The following SNTG1 variants were observed in gnomAD, a reference collection of about 807,000 sequenced individuals.
SNTG1 encodes gamma-1-syntrophin.
A neutral mutation model predicts 74.7 loss-of-function variants in SNTG1; 39 were observed. The ratio of observed to expected loss-of-function variants is 0.52; its 90% CI spans 0.40 to 0.68. The LOEUF is 0.68. SNTG1 is among the 30% of genes least tolerant of loss of function. The probability of loss-of-function intolerance (pLI) is 0.00; values close to 1 mark genes in which losing one functional copy is unlikely to be tolerated. For missense variants in SNTG1, 685 were observed against 609.5 expected (o/e 1.12, Z -1.30); for synonymous variants, 254 against 217.1 (o/e 1.17, Z -1.49).
intron 1 of SNTG1, among the ~76,000 whole-genome samples, chr8:50,060,542 G>A (rs1773269205): frequency 6.6e-6 from 1 of 151,888 alleles, no homozygotes. Context: ...GATTTATGGG[G>A]ATTTCTTCCC....
At chr8:50,374,449 T>C (rs1011721183) in intron 2 of SNTG1, among the ~76,000 whole-genome samples, 3 of 152,206 alleles carry the variant, frequency 2.0e-5, no homozygotes, top group Non-Finnish European at 4.4e-5. Context: ...CCCTTGCAGG[T>C]TGTAATGCAT....
chr8:50,238,697 AACAGACAACCT>A (rs1407955690), intron 2 of SNTG1, among the ~76,000 whole-genome samples: 1 of 152,186 alleles, frequency 6.6e-6, no homozygotes, highest in African/African-American at 2.4e-5. Flanking sequence ...CAACAGAGTA[AACAGACAACCT>A]ACAGAACGGA....
At chr8:50,773,580 C>T (rs73677516) in intron 18 of SNTG1, among the ~76,000 whole-genome samples, 3,024 of 152,148 alleles carry the variant, frequency 0.02, 97 homozygotes, top group African/African-American at 0.065. Flanking sequence ...AGTCTGTTTC[C>T]TATCAGTGAA....
intron 2 of SNTG1, among the ~76,000 whole-genome samples, chr8:50,337,992 C>T (rs573084551): frequency 1.7e-4 from 26 of 151,966 alleles, no homozygotes; most frequent in Non-Finnish European, 2.6e-4. Context: ...AAAAGTTAGC[C>T]GGGCTTGGTG....
At chr8:50,006,527 G>A (rs750297976) in intron 1 of SNTG1, among the ~76,000 whole-genome samples, 23 of 152,002 alleles carry the variant, frequency 1.5e-4, no homozygotes, top group Admixed American at 7.2e-4. Context: ...TTCAAGGCTG[G>A]GTACTATTTA....
At chr8:49,971,090 C>A (rs1006753625) in intron 1 of SNTG1, among the ~76,000 whole-genome samples, 1 of 152,142 alleles carries the variant, frequency 6.6e-6, no homozygotes, top group Non-Finnish European at 1.5e-5. Flanking sequence ...AGACCAATAT[C>A]CCTGATGAAC....
intron 2 of SNTG1, among the ~76,000 whole-genome samples, chr8:50,265,006 T>C (rs2087392076): frequency 6.6e-6 from 1 of 152,066 alleles, no homozygotes; most frequent in South Asian, 2.1e-4. Flanking sequence ...TCTTCCAAGG[T>C]TAAAAGCTCA....
intron 12 of SNTG1, among the ~76,000 whole-genome samples, chr8:50,576,233 G>A (rs985601198): frequency 3.9e-5 from 6 of 152,068 alleles, no homozygotes; most frequent in Admixed American, 2.0e-4. Context: ...TAGTTAATAC[G>A]ACTGTCTTTT....
chr8:49,994,695 A>ACCCC, intron 1 of SNTG1, among the ~76,000 whole-genome samples: 1 of 150,802 alleles, frequency 6.6e-6, no homozygotes, highest in Non-Finnish European at 1.5e-5. Flanking sequence ...CTTTGACTAT[A>ACCCC]GCTACTCATT....
At chr8:50,719,991 T>A (rs2131587898) in intron 17 of SNTG1, among the ~76,000 whole-genome samples, 1 of 152,324 alleles carries the variant, frequency 6.6e-6, no homozygotes, top group South Asian at 2.1e-4. Flanking sequence ...TAAATTTAGA[T>A]GAAATACATT....
At chr8:50,775,614 A>T (rs1585762213) in intron 18 of SNTG1, among the ~76,000 whole-genome samples, 1 of 151,656 alleles carries the variant, frequency 6.6e-6, no homozygotes, top group African/African-American at 2.4e-5. Context: ...AGTTCTAAAA[A>T]TGTTAGTTTG....
At chr8:50,398,067 T>G (rs1205934513) in intron 3 of SNTG1, among the ~76,000 whole-genome samples, 1 of 152,260 alleles carries the variant, frequency 6.6e-6, no homozygotes, top group Non-Finnish European at 1.5e-5. Flanking sequence ...TTTATCCTTC[T>G]TCTTGCATCT....
At chr8:49,924,154 G>A (rs542923856) in intron 1 of SNTG1, among the ~76,000 whole-genome samples, 45 of 152,154 alleles carry the variant, frequency 3.0e-4, no homozygotes, top group Non-Finnish European at 5.1e-4. Context: ...GGGTATCAAA[G>A]CTGAAAACTC....
intron 8 of SNTG1, among the ~76,000 whole-genome samples, chr8:50,469,288 T>C (rs2093632943): frequency 1.3e-5 from 2 of 150,158 alleles, no homozygotes; most frequent in African/African-American, 4.9e-5. Flanking sequence ...TTTTCAGCAA[T>C]TGACATGATT....
intron 9 of SNTG1, among the ~76,000 whole-genome samples, chr8:50,509,532 T>G (rs1312552228): frequency 6.6e-6 from 1 of 152,184 alleles, no homozygotes; most frequent in East Asian, 1.9e-4. Flanking sequence ...ACGATATTGA[T>G]TCTTCCTACC....
chr8:50,402,284 C>T lies in SNTG1; in HGVS notation c.102C>T (p.Asp34=), dbSNP rs748603285. 25 of 1,613,648 alleles carry T rather than the reference C, an allele frequency of 1.5e-5. No individual in the cohort carries two copies. Among genetic ancestry groups the T allele is most frequent in the Non-Finnish European group, 2.0e-5 (24 of 1,179,946 alleles). ...AAGTGCGGCTGCACCTAGCCAAAGACATTTTGATGATCCAGGAACAGGATG... is the reference window on the plus strand; with the variant it reads ...AAGTGCGGCTGCACCTAGCCAAAGATATTTTGATGATCCAGGAACAGGATG... The part of the protein sequence containing the change: ...PFKVRLHLAK[D]ILMIQEQDVI... Residue 34 remains aspartate (D), a synonymous_variant, in exon 4 of 19, where the codon GAC becomes GAT. Coordinates refer to ENST00000642720, the MANE Select transcript of SNTG1 (RefSeq NM_018967.5).
At chr8:50,573,597 A>G (rs2094560743) in intron 12 of SNTG1, among the ~76,000 whole-genome samples, 1 of 151,850 alleles carries the variant, frequency 6.6e-6, no homozygotes, top group Admixed American at 6.5e-5. Context: ...TAATTTTGAC[A>G]ACAATATAGT....
chr8:50,399,351 T>C lies in SNTG1; in HGVS notation c.28-2859T>C, dbSNP rs553848003. Among the ~76,000 whole-genome samples, 3 of 152,302 alleles carry C rather than the reference T, an allele frequency of 2.0e-5. No individual in the cohort carries two copies. In the South Asian group the frequency reaches 6.2e-4, roughly 32 times the overall value. ...TGTTTTCCAGACAACTATCTAATAA[T>C]TTGTGAACATTTTACATAGTATTTA... On this transcript the variant is annotated intron_variant, in intron 3 of 18. Coordinates refer to ENST00000642720, the MANE Select transcript of SNTG1 (RefSeq NM_018967.5).
At chr8:50,158,113 C>T (rs942645546) in intron 1 of SNTG1, among the ~76,000 whole-genome samples, 1 of 152,196 alleles carries the variant, frequency 6.6e-6, no homozygotes, top group Admixed American at 6.5e-5. Context: ...ATTTAGACAT[C>T]AAGATAGGCA....
Sources: gnomAD v4.1 joint callset for allele counts (sites outside exome capture counted in the v4.1 genomes callset) on GRCh38, gnomAD v4.1.1 for gene constraint, MANE v1.5 for transcripts, NCBI Gene and HGNC (gene_info 2026-07-23, HGNC 2026-07-21) for gene names.